Variants in LGALS9 observed in about 807,000 individuals in gnomAD.
LGALS9 encodes galectin 9.
In LGALS9, 26 loss-of-function variants were observed where a neutral mutation model predicts 35.9. That is an observed-to-expected ratio of 0.72 (90% CI 0.53 to 1.01). LGALS9 has a LOEUF of 1.01. Among genes scored for constraint, LGALS9 ranks in the 50% least tolerant of loss-of-function variants. LGALS9 has a pLI of 0.00. For missense variants in LGALS9, 347 were observed against 445.8 expected, an observed-to-expected ratio of 0.78 and a Z score of 1.99; for synonymous variants, 149 against 172.2, an observed-to-expected ratio of 0.87 and a Z score of 1.06.
intron 2 of LGALS9, among the ~76,000 whole-genome samples, chr17:27,639,384 A>T (rs1403218079): frequency 4.5e-5 from 5 of 111,100 alleles, no homozygotes; most frequent in South Asian, 3.1e-4. Flanking sequence ...AGGGCTTCCC[A>T]CTCCCATCCT....
At chr17:27,635,825 G>A (rs1415386604) in intron 1 of LGALS9, among the ~76,000 whole-genome samples, 2 of 152,286 alleles carry the variant, frequency 1.3e-5, no homozygotes, top group South Asian at 4.1e-4. Context: ...CAGGCAAGGA[G>A]AAAAATGTTC....
At chr17:27,641,775 A>T (rs1904522138) in intron 3 of LGALS9, among the ~76,000 whole-genome samples, 1 of 152,038 alleles carries the variant, frequency 6.6e-6, no homozygotes, top group Non-Finnish European at 1.5e-5. Flanking sequence ...GGAGTCCAAG[A>T]CCAGCCTGGC....
At chr17:27,641,424 C>T (rs1483969712) in intron 3 of LGALS9, among the ~76,000 whole-genome samples, 5 of 152,146 alleles carry the variant, frequency 3.3e-5, no homozygotes, top group African/African-American at 4.8e-5. Context: ...CTTAAACTAA[C>T]GCAGGAGCAG....
intron 1 of LGALS9, among the ~76,000 whole-genome samples, chr17:27,631,739 C>T (rs2074395425): frequency 6.6e-6 from 1 of 152,036 alleles, no homozygotes; most frequent in South Asian, 2.1e-4. Context: ...GTTTCCATAT[C>T]TGTGAAGTGG....
rs768515562 is a variant in LGALS9, at chr17:27,640,668, G to C, written c.228G>C (p.Thr76=). The stretch of plus-strand genomic sequence containing the variant: ...ATGGAGGGTACGTGGTGTGCAACAC[G>C]AGGCAGAACGGAAGCTGGGGGCCCG... ...FEDGGYVVCN[T]RQNGSWGPEE... is the part of the protein sequence containing the mutation. The change falls in exon 3 of 11, where the codon ACG becomes ACC. Residue 76 remains threonine (T), a synonymous_variant. Coordinates refer to ENST00000395473, the MANE Select transcript of LGALS9 (RefSeq NM_009587.3). The C allele has an allele frequency of 3.7e-6, 6 of 1,614,206 alleles. No homozygotes were observed. The highest frequency in any genetic ancestry group is 2.7e-5 in the African/African-American group (2 of 75,048).
chr17:27,634,291 A>G (rs145294404), intron 1 of LGALS9, among the ~76,000 whole-genome samples: 1 of 152,288 alleles, frequency 6.6e-6, no homozygotes, highest in African/African-American at 2.4e-5. Context: ...GCTCATGCCT[A>G]TAATCCCAGC....
intron 5 of LGALS9, chr17:27,644,040 G>C (rs111257109): frequency 2.4e-5 from 4 of 169,050 alleles, no homozygotes; most frequent in African/African-American, 7.2e-5. Flanking sequence ...TCTCCAGCAG[G>C]GTATATGAAT....
At position 27,643,607 on chromosome 17, in the gene LGALS9, G is replaced by C; in HGVS notation, c.527G>C (p.Gly176Ala). 6.2e-7 allele frequency: 1 copy of C among 1,611,220 alleles called. No homozygotes were observed. Among genetic ancestry groups the C allele is most frequent in the East Asian group, 2.2e-5 (1 of 44,838 alleles). The change falls in exon 5 of 11, where the codon GGG becomes GCG. Residue 176 changes from glycine to alanine, a missense_variant. Coordinates refer to ENST00000395473, the MANE Select transcript of LGALS9 (RefSeq NM_009587.3). ...QPVCFPPRPR[G>A]RRQKPPGVWP... is the part of the protein sequence containing the mutation. ...GTCTGTTTCCCACCCAGGCCCAGGG[G>C]GCGCAGACAAAAAGTGAGTTCAACA...
rs1209564080 is a variant in LGALS9, at chr17:27,645,479, G to A, written c.576+130G>A. 2.0e-5 allele frequency: 27 copies of A among 1,366,366 alleles called. 2 individuals carry two copies. The highest frequency in any genetic ancestry group is 4.4e-5 in the Admixed American group (2 of 45,520). The allele number at this position is 1,366,366 out of a possible 1,614,324, so 84.6% of individuals were successfully genotyped here. On this transcript the variant is annotated intron_variant, in intron 6 of 10. Coordinates refer to ENST00000395473, the MANE Select transcript of LGALS9 (RefSeq NM_009587.3). ...GCACAGACCAGACCCTTGACCATCTGCCCGGCCTGGTGAGGTTGGGGGTTG... is the reference window on the plus strand; with the variant it reads ...GCACAGACCAGACCCTTGACCATCTACCCGGCCTGGTGAGGTTGGGGGTTG...
At chr17:27,633,744 G>T (rs2074414719) in intron 1 of LGALS9, among the ~76,000 whole-genome samples, 1 of 152,232 alleles carries the variant, frequency 6.6e-6, no homozygotes, top group African/African-American at 2.4e-5. Context: ...TGAGCCAGGG[G>T]CTCAGCACAC....
At chr17:27,642,483 C>T (rs969574425) in intron 4 of LGALS9, 135 bp downstream of exon 4, 14 of 1,253,934 alleles carry the variant, frequency 1.1e-5, no homozygotes, top group Non-Finnish European at 1.5e-5. Context: ...GCTTCCCTGT[C>T]CCAGTACCTG....
At position 27,645,809 on chromosome 17, in the gene LGALS9, T is replaced by C. The variant is rs1904892571; in HGVS notation, c.577-52T>C. 4.1e-6 allele frequency: 6 copies of C among 1,475,256 alleles called. No homozygotes were observed. In the Admixed American group the frequency reaches 1.1e-4, roughly 27 times the overall value. 91.4% of individuals were successfully genotyped at this position (1,475,256 alleles called of 1,614,324 possible). On this transcript the variant is annotated intron_variant, in intron 6 of 10. Transcript: ENST00000395473. ...CCGTGTGGCGCCCTCTGGTGGGAGC[T>C]GGTGGTTTTCACACGTGAGAGCCTG... is the stretch of plus-strand genomic sequence containing the variant.
chr17:27,647,009 C>T, intron 8 of LGALS9, 21 bp from the exon 9 acceptor site: 2 of 1,613,924 alleles, frequency 1.2e-6, no homozygotes, highest in Non-Finnish European at 1.7e-6. Flanking sequence ...GGTGGCTGAC[C>T]TGTCCCCCTT....
In LGALS9 at chr17:27,644,245, G is replaced by A. The variant is rs116581067; in HGVS notation, c.540+625G>A. 923 of 154,092 alleles carry A rather than the reference G, an allele frequency of 6.0e-3. 9 individuals carry two copies. Among genetic ancestry groups the A allele is most frequent in the African/African-American group, 0.02 (843 of 41,582 alleles). The allele number at this position is 154,092 out of a possible 1,614,324, so 9.5% of individuals were successfully genotyped here. ...CCCTTCCATGCTCTGCCTAAGTGCCGCTCCTCTGGGAGTCCTCCCCGCCTG... is the reference window on the plus strand; with the variant it reads ...CCCTTCCATGCTCTGCCTAAGTGCCACTCCTCTGGGAGTCCTCCCCGCCTG... On this transcript the variant is annotated intron_variant, in intron 5 of 10. Coordinates refer to ENST00000395473, the MANE Select transcript of LGALS9 (RefSeq NM_009587.3).
At chr17:27,644,383 AC>A (rs1196249748) in intron 5 of LGALS9, 2 of 152,504 alleles carry the variant, frequency 1.3e-5, no homozygotes, top group Non-Finnish European at 1.5e-5. Context: ...CCGTTACTCC[AC>A]CCCCATGTCC....
At chr17:27,639,304 A>T (rs1300138357) in intron 2 of LGALS9, among the ~76,000 whole-genome samples, 1 of 152,036 alleles carries the variant, frequency 6.6e-6, no homozygotes, top group Non-Finnish European at 1.5e-5. Flanking sequence ...GGGAATCAGG[A>T]CCATGACCCT....
chr17:27,647,693 AAT>A (rs1905051534), intron 10 of LGALS9, among the ~76,000 whole-genome samples: 1 of 152,254 alleles, frequency 6.6e-6, no homozygotes, highest in African/African-American at 2.4e-5. Context: ...GTAAGTGTCA[AAT>A]CAGACCCAAG....
At chr17:27,633,385 A>G (rs2151288094) in intron 1 of LGALS9, among the ~76,000 whole-genome samples, 1 of 152,350 alleles carries the variant, frequency 6.6e-6, no homozygotes, top group South Asian at 2.1e-4. Flanking sequence ...TCAGAAGTCT[A>G]AAATCAAAGT....
In LGALS9 at chr17:27,648,725, G is replaced by A. The variant is rs1004477592; in HGVS notation, c.922-111G>A. On this transcript the variant is annotated intron_variant, in intron 10 of 10. Coordinates refer to ENST00000395473, the MANE Select transcript of LGALS9 (RefSeq NM_009587.3). ...CAGTGGGGATAGAGTGCAGGTGAGG[G>A]GCTTATTAACAACTGAGGAGGGAGG... is the stretch of plus-strand genomic sequence containing the variant. 2.4e-5 allele frequency: 38 copies of A among 1,555,304 alleles called. No homozygotes were observed. The African/African-American group carries it at 5.1e-4, about 21-fold the overall frequency.
Sources: gnomAD v4.1 joint callset for allele counts (sites outside exome capture counted in the v4.1 genomes callset) on GRCh38, gnomAD v4.1.1 for gene constraint, MANE v1.5 for transcripts, NCBI Gene and HGNC (gene_info 2026-07-23, HGNC 2026-07-21) for gene names.